The following ZNF536 variants were observed in gnomAD, a reference collection of about 807,000 sequenced individuals.
ZNF536 encodes the protein zinc finger protein 536.
ZNF536 carries 13 observed loss-of-function variants against 84.5 expected under a neutral mutation model. The ratio of observed to expected loss-of-function variants is 0.15; its 90% CI spans 0.10 to 0.24. ZNF536 has a LOEUF of 0.24. ZNF536 is among the 10% of genes least tolerant of loss of function. The probability of loss-of-function intolerance (pLI) is 1.00; values close to 1 mark genes in which losing one functional copy is unlikely to be tolerated. For synonymous variants in ZNF536, 811 were observed against 742.5 expected (o/e 1.09, Z -1.50); for missense variants, 1,536 against 1,747.5 (o/e 0.88, Z 2.16).
intron 1 of ZNF536, among the ~76,000 whole-genome samples, chr19:30,275,033 G>A (rs1267894785): frequency 1.3e-5 from 2 of 152,176 alleles, no homozygotes; most frequent in Non-Finnish European, 2.9e-5. Flanking sequence ...AATTGTCTTA[G>A]TTTTGTTGTC....
chr19:30,470,470 G>GT lies in ZNF536; in HGVS notation c.2170+24753dup, dbSNP rs34028638. The stretch of plus-strand genomic sequence containing the variant: ...CATCCATAATACCACATTACATTTA[G>GT]TTTTTTTTTTTTTTTAATTAATAAA... On this transcript the variant is annotated intron_variant, in intron 2 of 4. Coordinates refer to ENST00000355537, the MANE Select transcript of ZNF536 (RefSeq NM_014717.3). 7.1e-3 allele frequency among the ~76,000 whole-genome samples: 1,010 copies of GT among 143,082 alleles called. 4 individuals are homozygous for GT. Among genetic ancestry groups the GT allele is most frequent in the African/African-American group, 9.1e-3 (363 of 40,004 alleles). 93.9% of individuals were successfully genotyped at this position (143,082 alleles called of 152,430 possible).
intron 1 of ZNF536, among the ~76,000 whole-genome samples, chr19:30,399,352 C>T (rs1034387749): frequency 5.9e-5 from 9 of 151,954 alleles, no homozygotes; most frequent in African/African-American, 2.2e-4. Flanking sequence ...AAATTTTCTC[C>T]CATTCTGTAG....
At chr19:30,605,312 G>A (rs2047830739) in intron 1 of ZNF536, among the ~76,000 whole-genome samples, 1 of 152,014 alleles carries the variant, frequency 6.6e-6, no homozygotes, top group African/African-American at 2.4e-5. Flanking sequence ...TACCCAATGT[G>A]TAGTCTTTTA....
chr19:30,606,118 C>T (rs901378011), intron 1 of ZNF536, among the ~76,000 whole-genome samples: 13 of 149,182 alleles, frequency 8.7e-5, no homozygotes, highest in Admixed American at 8.2e-4. Context: ...TGTGCCACTG[C>T]ACTCCAGGCT....
chr19:30,372,003 T>C (rs971707687), upstream of ZNF536, among the ~76,000 whole-genome samples: 1 of 152,058 alleles, frequency 6.6e-6, no homozygotes, highest in African/African-American at 2.4e-5. Flanking sequence ...TTGGAGGAAA[T>C]GAGACCTAAG....
chr19:30,239,527 G>A (rs2023785355), intron 1 of ZNF536, among the ~76,000 whole-genome samples: 1 of 152,230 alleles, frequency 6.6e-6, no homozygotes, highest in African/African-American at 2.4e-5. Flanking sequence ...AGAATCGACA[G>A]TCATGAGACA....
chr19:30,271,168 G>A (rs1257349437), intron 1 of ZNF536, among the ~76,000 whole-genome samples: 1 of 152,136 alleles, frequency 6.6e-6, no homozygotes, highest in African/African-American at 2.4e-5. Flanking sequence ...GTCAGCAGCT[G>A]CTCAATATGC....
chr19:30,558,885 C>T (rs758906980), downstream of ZNF536, among the ~76,000 whole-genome samples: 3 of 152,134 alleles, frequency 2.0e-5, no homozygotes, highest in East Asian at 1.9e-4. Context: ...GCTCCAAGTC[C>T]GTTCTTCACA....
At chr19:30,543,130 C>G (rs2045399268) in intron 3 of ZNF536, among the ~76,000 whole-genome samples, 1 of 152,198 alleles carries the variant, frequency 6.6e-6, no homozygotes, top group South Asian at 2.1e-4. Context: ...CTTGGAAAAT[C>G]AAAGGTTCTA....
intron 1 of ZNF536, among the ~76,000 whole-genome samples, chr19:30,574,056 A>T (rs1599854089): frequency 6.6e-6 from 1 of 152,142 alleles, no homozygotes; most frequent in Admixed American, 6.5e-5. Context: ...GCTGGCTGTT[A>T]TATTGTTTGC....
intron 2 of ZNF536, among the ~76,000 whole-genome samples, chr19:30,310,852 C>T (rs1182773233): frequency 2.0e-5 from 3 of 152,158 alleles, no homozygotes; most frequent in South Asian, 2.1e-4. Flanking sequence ...TTCAAGTGCT[C>T]GGATAATGGG....
intron 2 of ZNF536, among the ~76,000 whole-genome samples, chr19:30,296,441 A>C (rs1220992348): frequency 6.6e-6 from 1 of 152,216 alleles, no homozygotes; most frequent in Non-Finnish European, 1.5e-5. Flanking sequence ...TGGCCAAGAC[A>C]TCCTGGGGAA....
chr19:30,454,085 G>A (rs983230250), intron 2 of ZNF536, among the ~76,000 whole-genome samples: 2 of 152,232 alleles, frequency 1.3e-5, no homozygotes, highest in African/African-American at 4.8e-5. Flanking sequence ...CCAAAGGACA[G>A]GGTCATTTTC....
At chr19:30,542,779 T>C (rs1378296674) in intron 3 of ZNF536, among the ~76,000 whole-genome samples, 1 of 152,174 alleles carries the variant, frequency 6.6e-6, no homozygotes, top group Non-Finnish European at 1.5e-5. Context: ...ATTTAAAAAT[T>C]AAGATACTGC....
rs2054835463 is a variant in ZNF536 at position 30,498,951 on chromosome 19, T to C, written c.2171-35896T>C. 2.0e-5 allele frequency among the ~76,000 whole-genome samples: 3 copies of C among 152,100 alleles called. No homozygotes were observed. In the South Asian group the frequency reaches 6.2e-4, roughly 32 times the overall value. On this transcript the variant is annotated intron_variant, in intron 2 of 4. Transcript: ENST00000355537. ...GTTCAGCTGAATCGTCACTGCTGTT[T>C]CCATTTGAGCCTTTAGGTGACAGTG...
intron 1 of ZNF536, among the ~76,000 whole-genome samples, chr19:30,606,251 A>T (rs201198051): frequency 4.2e-4 from 25 of 59,106 alleles, no homozygotes; most frequent in South Asian, 2.2e-3. Context: ...ATAAAATAAA[A>T]TAAATAAAAT....
intron 3 of ZNF536, among the ~76,000 whole-genome samples, chr19:30,356,322 T>TG (rs1478161563): frequency 6.6e-6 from 1 of 152,196 alleles, no homozygotes; most frequent in Non-Finnish European, 1.5e-5. Flanking sequence ...CCCAGGCACT[T>TG]GCAGGACTCT....
At chr19:30,375,454 G>C (rs950937574) in intron 1 of ZNF536, among the ~76,000 whole-genome samples, 2 of 152,128 alleles carry the variant, frequency 1.3e-5, no homozygotes, top group African/African-American at 2.4e-5. Context: ...CACCGACCCG[G>C]GCGCGCCCCC....
At chr19:30,540,989 A>C (rs2045307718) in intron 3 of ZNF536, among the ~76,000 whole-genome samples, 1 of 152,218 alleles carries the variant, frequency 6.6e-6, no homozygotes, top group African/African-American at 2.4e-5. Flanking sequence ...AGGCATGGCC[A>C]CTGTGGCATG....
Sources: allele counts gnomAD v4.1 joint callset (sites outside exome capture counted in the v4.1 genomes callset), GRCh38; gene constraint gnomAD v4.1.1; transcripts MANE v1.5; gene names NCBI Gene and HGNC (gene_info 2026-07-23, HGNC 2026-07-21).